The following PACSIN1 variants were observed in gnomAD, a reference collection of about 807,000 sequenced individuals.
The protein encoded by PACSIN1 is protein kinase C and casein kinase substrate in neurons protein 1.
In PACSIN1, 15 loss-of-function variants were observed where a neutral mutation model predicts 59.5. That is an observed-to-expected ratio of 0.25 (90% CI 0.17 to 0.39). The LOEUF (loss-of-function observed/expected upper bound fraction) is 0.39. PACSIN1 is among the 10% of genes least tolerant of loss of function. The pLI is 1.00. For synonymous variants in PACSIN1, 210 were observed against 220.6 expected (o/e 0.95, Z 0.42); for missense variants, 420 against 580.2 (o/e 0.72, Z 2.84).
At chr6:34,484,787 TA>T (rs1275629241) in intron 1 of PACSIN1, among the ~76,000 whole-genome samples, 1 of 151,930 alleles carries the variant, frequency 6.6e-6, no homozygotes, top group Non-Finnish European at 1.5e-5. Flanking sequence ...ATCTATTAAT[TA>T]AAAAATATAT....
chr6:34,494,291 A>G (rs1338071262), intron 1 of PACSIN1, among the ~76,000 whole-genome samples: 2 of 152,166 alleles, frequency 1.3e-5, no homozygotes, highest in South Asian at 4.1e-4. Context: ...TTGCTCATCA[A>G]TGTCCTCTTA....
chr6:34,529,107 C>T lies in PACSIN1; in HGVS notation c.456+230C>T, dbSNP rs571296996. Among the ~76,000 whole-genome samples, 60 of 152,224 alleles carry T rather than the reference C, an allele frequency of 3.9e-4. 1 individual carries two copies. The highest frequency in any genetic ancestry group is 6.8e-3 in the Middle Eastern group (2 of 294). ...AGGGGCACTGTCCCCAGGAAAGATA[C>T]CAGCAGGGGCAGAAGAGCACATTGG... On this transcript the variant is annotated intron_variant, in intron 4 of 9. Coordinates refer to ENST00000244458, the MANE Select transcript of PACSIN1 (RefSeq NM_020804.5). This position sits in a 1 kb window ranked among gnomAD's most constrained non-coding sequence, Gnocchi z 6.3.
intron 1 of PACSIN1, among the ~76,000 whole-genome samples, chr6:34,502,131 A>G (rs1767034731): frequency 6.6e-6 from 1 of 151,812 alleles, no homozygotes; most frequent in East Asian, 1.9e-4. Flanking sequence ...TGTGAACACT[A>G]TCTCCTGGTA....
At chr6:34,504,298 T>A (rs1410315086) in intron 1 of PACSIN1, among the ~76,000 whole-genome samples, 5 of 142,636 alleles carry the variant, frequency 3.5e-5, no homozygotes, top group African/African-American at 1.1e-4. Context: ...ATATTTTTTT[T>A]TTTTTTTTTT....
At chr6:34,475,004 C>T (rs1034479769) in intron 1 of PACSIN1, among the ~76,000 whole-genome samples, 15 of 152,104 alleles carry the variant, frequency 9.9e-5, no homozygotes, top group Non-Finnish European at 2.1e-4. Context: ...TCATGATGTT[C>T]ACATCTCCAC....
intron 1 of PACSIN1, among the ~76,000 whole-genome samples, chr6:34,510,175 G>C (rs926561338): frequency 6.6e-6 from 1 of 152,228 alleles, no homozygotes; most frequent in Non-Finnish European, 1.5e-5. Flanking sequence ...TTGGACGTGC[G>C]TTTTCACGGC....
At position 34,529,860 on chromosome 6, in the gene PACSIN1, C is replaced by A; in HGVS notation, c.788+19C>A. The A allele has an allele frequency of 6.2e-7, 1 of 1,608,966 alleles. No homozygotes were observed. Among genetic ancestry groups the A allele is most frequent in the Non-Finnish European group, 8.5e-7 (1 of 1,177,532 alleles). Reference sequence around the variant, plus strand: ...ACAGCAGGTACCTGGGCATGGCAGGCACCGAGGGCACAGGCACAGCCAGCA... The same window carrying A: ...ACAGCAGGTACCTGGGCATGGCAGGAACCGAGGGCACAGGCACAGCCAGCA... On this transcript the variant is annotated intron_variant, in intron 6 of 9. Coordinates refer to ENST00000244458, the MANE Select transcript of PACSIN1 (RefSeq NM_020804.5). The surrounding 1 kb of genome is among the most constrained non-coding windows in gnomAD (Gnocchi z 6.3).
rs1766826392 is a variant in PACSIN1, at chr6:34,488,515, C to G, written c.-64+22245C>G. ...GTGGAACTATTTCCCCTTTGGGAAC[C>G]AGGATTTCTAAACTTGCAGTGCCCA... On this transcript the variant is annotated intron_variant, in intron 1 of 9. Transcript: ENST00000244458. The surrounding 1 kb of genome is among the most constrained non-coding windows in gnomAD (Gnocchi z 4.7). Among the ~76,000 whole-genome samples, 1 of 152,110 alleles carries G rather than the reference C, an allele frequency of 6.6e-6. No individual in the cohort carries two copies. The highest frequency in any genetic ancestry group is 1.5e-5 in the Non-Finnish European group (1 of 68,032).
At position 34,532,533 on chromosome 6, in the gene PACSIN1, G is replaced by GC; in HGVS notation, c.*8dup. The GC allele has an allele frequency of 5.9e-6, 9 of 1,522,810 alleles. No homozygotes were observed. Among genetic ancestry groups the GC allele is most frequent in the Non-Finnish European group, 8.0e-6 (9 of 1,123,670 alleles). The allele number at this position is 1,522,810 out of a possible 1,614,324, so 94.3% of individuals were successfully genotyped here. A position where few individuals can be genotyped will look rare whatever the true frequency, so the allele number is the denominator to read the frequency against. ...CCAACTACGTGGAGGCTATCTAGAG[G>GC]CCCCCTCCCTCCATACTCCCGTCAC... On this transcript the variant is annotated 3_prime_UTR_variant, in exon 10 of 10. Transcript: ENST00000244458. This position sits in a 1 kb window ranked among gnomAD's most constrained non-coding sequence, Gnocchi z 5.2.
At chr6:34,475,133 T>G (rs1766620675) in intron 1 of PACSIN1, among the ~76,000 whole-genome samples, 1 of 152,180 alleles carries the variant, frequency 6.6e-6, no homozygotes, top group African/African-American at 2.4e-5. Flanking sequence ...CATTATGCTC[T>G]TGTTGGTTTC....
Position 34,528,879 on chromosome 6 carries a change from T to C in PACSIN1, c.456+2T>C. On this transcript the variant is annotated splice_donor_variant, in intron 4 of 9. Transcript: ENST00000244458. LOFTEE classifies it high-confidence loss of function. Reference sequence around the variant, plus strand: ...CCTTGGGCCAAGAAGATGAAGGAGGTGCTCAGTGGGTGCTGCCACGGGCGG... The same window carrying C: ...CCTTGGGCCAAGAAGATGAAGGAGGCGCTCAGTGGGTGCTGCCACGGGCGG... The C allele has an allele frequency of 3.0e-6, 3 of 994,640 alleles. No homozygotes were observed. The highest frequency in any genetic ancestry group is 4.3e-6 in the Non-Finnish European group (3 of 696,374). The allele number at this position is 994,640 out of a possible 1,614,324, so 61.6% of individuals were successfully genotyped here. A position where few individuals can be genotyped will look rare whatever the true frequency, so the allele number is the denominator to read the frequency against.
At chr6:34,527,671 T>C (rs60358080) in intron 3 of PACSIN1, 183 bp downstream of exon 3, 16,224 of 424,522 alleles carry the variant, frequency 0.038, 737 homozygotes, top group East Asian at 0.13. Flanking sequence ...TTTTGTACAA[T>C]TTTAGGTTGA....
Position 34,521,104 on chromosome 6 carries a change from A to T in PACSIN1, c.-63-5139A>T, listed in dbSNP as rs571138242. Among the ~76,000 whole-genome samples, 2 of 152,354 alleles carry T rather than the reference A, an allele frequency of 1.3e-5. No individual in the cohort carries two copies. The highest frequency in any genetic ancestry group is 4.1e-4 in the South Asian group (2 of 4,828). On this transcript the variant is annotated intron_variant, in intron 1 of 9. Coordinates refer to ENST00000244458, the MANE Select transcript of PACSIN1 (RefSeq NM_020804.5). The surrounding 1 kb of genome is among the most constrained non-coding windows in gnomAD (Gnocchi z 4.3). ...ACTGGATGCTGGAAATACGGCAGAT[A>T]ACCAGACAGATAAACACCGCTGACT...
chr6:34,495,598 G>A (rs528724530), intron 1 of PACSIN1, among the ~76,000 whole-genome samples: 14 of 152,028 alleles, frequency 9.2e-5, no homozygotes, highest in East Asian at 7.8e-4. Context: ...GATTACAGGC[G>A]CGCGCCACCA....
chr6:34,473,232 G>T, intron 1 of PACSIN1, among the ~76,000 whole-genome samples: 1 of 122,138 alleles, frequency 8.2e-6, no homozygotes, highest in South Asian at 3.1e-4. Flanking sequence ...GGCGGGGGGC[G>T]GGGGGGTACA....
At chr6:34,477,781 C>T (rs1331920439) in intron 1 of PACSIN1, among the ~76,000 whole-genome samples, 1 of 152,188 alleles carries the variant, frequency 6.6e-6, no homozygotes, top group African/African-American at 2.4e-5. Flanking sequence ...CAGGGTCTCA[C>T]TCTGTTGCCC....
rs539663734 is a variant in PACSIN1 at position 34,515,997 on chromosome 6, G to C, written c.-63-10246G>C. 1.9e-3 allele frequency among the ~76,000 whole-genome samples: 292 copies of C among 152,250 alleles called. 4 individuals are homozygous for C. The highest frequency in any genetic ancestry group is 3.8e-4 in the Non-Finnish European group (26 of 68,004). On this transcript the variant is annotated intron_variant, in intron 1 of 9. Transcript: ENST00000244458. This position sits in a 1 kb window ranked among gnomAD's most constrained non-coding sequence, Gnocchi z 4.4. ...CAGGAGTTCACGGTGGGGCACACCT[G>C]GTCCAGTTTTGCCCTGAATGGAGCT...
intron 1 of PACSIN1, among the ~76,000 whole-genome samples, chr6:34,523,282 G>C (rs1307486495): frequency 6.6e-6 from 1 of 152,232 alleles, no homozygotes; most frequent in Non-Finnish European, 1.5e-5. Flanking sequence ...TCATTGCTGT[G>C]ATAGCCTTAA....
chr6:34,482,914 T>C (rs1332427940), intron 1 of PACSIN1, among the ~76,000 whole-genome samples: 1 of 151,922 alleles, frequency 6.6e-6, no homozygotes, highest in Non-Finnish European at 1.5e-5. Flanking sequence ...CTTGAACTCC[T>C]GACCTCAGGT....
Sources: allele counts gnomAD v4.1 joint callset (sites outside exome capture counted in the v4.1 genomes callset), GRCh38; gene constraint gnomAD v4.1.1; non-coding constraint Gnocchi (gnomAD v3.1); transcripts MANE v1.5; gene names NCBI Gene and HGNC (gene_info 2026-07-23, HGNC 2026-07-21).